The following DCUN1D5 variants were observed in gnomAD, a reference collection of about 807,000 sequenced individuals.
DCUN1D5 encodes DCN1-like protein 5.
DCUN1D5 carries 10 observed loss-of-function variants against 38.3 expected under a neutral mutation model. That is an observed-to-expected ratio of 0.26 (90% CI 0.16 to 0.44). The LOEUF (loss-of-function observed/expected upper bound fraction) is 0.44, where lower values mean the gene tolerates loss of function less well. Ranked by LOEUF, DCUN1D5 falls within the 20% of genes least tolerant of loss-of-function variation. DCUN1D5 has a pLI of 1.00. For missense variants in DCUN1D5, 148 were observed against 275.3 expected (o/e 0.54, Z 3.27); for synonymous variants, 93 against 90.9 (o/e 1.02, Z -0.13).
Position 103,066,308 on chromosome 11 carries a change from C to T in DCUN1D5, c.516G>A (p.Arg172=), listed in dbSNP as rs1469664701. ...AKSMLALLLG[R]TWPLFSVFYQ... ...AAAATACTGAAAACAGTGGCCATGT[C>T]CTCCCAAGCAGAAGAGCTAACATAG... Residue 172 remains arginine (R), a synonymous_variant, in exon 6 of 8, where the codon AGG becomes AGA. Coordinates refer to ENST00000260247, the MANE Select transcript of DCUN1D5 (RefSeq NM_032299.4). This position sits in a 1 kb window ranked among gnomAD's most constrained non-coding sequence, Gnocchi z 4.7. 2.5e-6 allele frequency: 4 copies of T among 1,609,516 alleles called. No individual in the cohort carries two copies. Among genetic ancestry groups the T allele is most frequent in the Non-Finnish European group, 3.4e-6 (4 of 1,178,304 alleles).
intron 1 of DCUN1D5, among the ~76,000 whole-genome samples, chr11:103,089,871 A>G (rs999457094): frequency 1.1e-4 from 16 of 152,174 alleles, no homozygotes; most frequent in African/African-American, 3.4e-4. Context: ...AAAAAACACT[A>G]AAAGTTAATA....
intron 4 of DCUN1D5, among the ~76,000 whole-genome samples, chr11:103,068,880 T>C (rs936595855): frequency 4.6e-5 from 7 of 151,950 alleles, no homozygotes; most frequent in African/African-American, 1.7e-4. Flanking sequence ...TACATGCATA[T>C]TTTTGCTTTC....
Position 103,054,225 on chromosome 11 carries a change from T to C in DCUN1D5, c.*8134A>G, listed in dbSNP as rs993297360. The C allele has an allele frequency of 6.6e-6, 1 of 152,058 alleles. No individual in the cohort carries two copies. Among genetic ancestry groups the C allele is most frequent in the Non-Finnish European group, 1.5e-5 (1 of 67,986 alleles). 9.4% of individuals were successfully genotyped at this position (152,058 alleles called of 1,614,324 possible). ...ACTCTCTATGGCTGCCAATAACTGC[T>C]CTTGAGGAATGGGGTTAAAGTCTGC... On this transcript the variant is annotated 3_prime_UTR_variant, in exon 8 of 8. Coordinates refer to ENST00000260247, the MANE Select transcript of DCUN1D5 (RefSeq NM_032299.4).
At position 103,069,294 on chromosome 11, in the gene DCUN1D5, A is replaced by G. The variant is rs370223290; in HGVS notation, c.342-2727T>C. 2.7e-4 allele frequency among the ~76,000 whole-genome samples: 41 copies of G among 152,340 alleles called. 1 individual carries two copies. In the East Asian group the frequency reaches 7.5e-3, roughly 28 times the overall value. On this transcript the variant is annotated intron_variant, in intron 4 of 7. Transcript: ENST00000260247. ...CAATGGGGGCAGACAAAAAGCCCCA[A>G]TAAAACCCTGCCTTTTCTCTAGCCA...
In DCUN1D5 at chr11:103,083,252, A is replaced by G; in HGVS notation, c.249+4T>C. ...ATGCCATTCTACTTAGAAATAAAACATACATTTTCAGGTTCAACACCAATG... is the reference window on the plus strand; with the variant it reads ...ATGCCATTCTACTTAGAAATAAAACGTACATTTTCAGGTTCAACACCAATG... On this transcript the variant is annotated splice_donor_region_variant and intron_variant, in intron 3 of 7. Coordinates refer to ENST00000260247, the MANE Select transcript of DCUN1D5 (RefSeq NM_032299.4). This position sits in a 1 kb window ranked among gnomAD's most constrained non-coding sequence, Gnocchi z 4.4. 2 of 1,526,950 alleles carry G rather than the reference A, an allele frequency of 1.3e-6. No homozygotes were observed. Among genetic ancestry groups the G allele is most frequent in the Non-Finnish European group, 1.8e-6 (2 of 1,102,076 alleles). The allele number at this position is 1,526,950 out of a possible 1,614,324, so 94.6% of individuals were successfully genotyped here. A position where few individuals can be genotyped will look rare whatever the true frequency, so the allele number is the denominator to read the frequency against.
Position 103,059,182 on chromosome 11 carries a change from A to G in DCUN1D5, c.*3177T>C, listed in dbSNP as rs1458037122. ...CATATATTTCAATAAATCCTTTCAT[A>G]ATTTCACATTAGCAAGTAGGCAGAC... On this transcript the variant is annotated 3_prime_UTR_variant, in exon 8 of 8. Coordinates refer to ENST00000260247, the MANE Select transcript of DCUN1D5 (RefSeq NM_032299.4). Among the ~76,000 whole-genome samples, 1 of 152,150 alleles carries G rather than the reference A, an allele frequency of 6.6e-6. No homozygotes were observed. The highest frequency in any genetic ancestry group is 2.4e-5 in the African/African-American group (1 of 41,454).
rs1484689157 is a variant in DCUN1D5 at position 103,064,264 on chromosome 11, G to A, written c.658+11C>T. 5.6e-6 allele frequency: 9 copies of A among 1,599,218 alleles called. No individual in the cohort carries two copies. The African/African-American group carries it at 6.7e-5, about 12-fold the overall frequency. ...TTTTGTTTTCAAAGGAACATGTTAT[G>A]TTATACTTACAAGCACCATCTTCAT... is the stretch of plus-strand genomic sequence containing the variant. On this transcript the variant is annotated intron_variant, in intron 7 of 7. Coordinates refer to ENST00000260247, the MANE Select transcript of DCUN1D5 (RefSeq NM_032299.4). The surrounding 1 kb of genome is among the most constrained non-coding windows in gnomAD (Gnocchi z 4.5).
intron 4 of DCUN1D5, among the ~76,000 whole-genome samples, chr11:103,067,624 G>T (rs948277017): frequency 1.3e-5 from 2 of 152,098 alleles, no homozygotes; most frequent in African/African-American, 4.8e-5. Flanking sequence ...ATTTAACTAA[G>T]ACTATACTAA....
chr11:103,064,480 T>TA lies in DCUN1D5; in HGVS notation c.556-104dup. On this transcript the variant is annotated intron_variant, in intron 6 of 7. Coordinates refer to ENST00000260247, the MANE Select transcript of DCUN1D5 (RefSeq NM_032299.4). The surrounding 1 kb of genome is among the most constrained non-coding windows in gnomAD (Gnocchi z 4.5). Reference sequence around the variant, plus strand: ...ACTGTTTTTGTGATTTGGTTTTTTCTAAAACATTTACTATTTTTTTAATTA... The same window carrying TA: ...ACTGTTTTTGTGATTTGGTTTTTTCTAAAAACATTTACTATTTTTTTAATTA... 1.2e-6 allele frequency: 1 copy of TA among 815,682 alleles called. No homozygotes were observed. Among genetic ancestry groups the TA allele is most frequent in the Non-Finnish European group, 1.8e-6 (1 of 549,592 alleles). The allele number at this position is 815,682 out of a possible 1,614,324, so 50.5% of individuals were successfully genotyped here. A position where few individuals can be genotyped will look rare whatever the true frequency, so the allele number is the denominator to read the frequency against.
rs1862130641 is a variant in DCUN1D5 at position 103,066,179 on chromosome 11, TAC to T, written c.555+88_555+89del. The stretch of plus-strand genomic sequence containing the variant: ...TTTTCTCTAAAGTTTTTTTAAAGCA[TAC>T]TATTAAAAATCTACTTGTTCCTCAA... On this transcript the variant is annotated intron_variant, in intron 6 of 7. Coordinates refer to ENST00000260247, the MANE Select transcript of DCUN1D5 (RefSeq NM_032299.4). This position sits in a 1 kb window ranked among gnomAD's most constrained non-coding sequence, Gnocchi z 4.7. 7 of 766,368 alleles carry T rather than the reference TAC, an allele frequency of 9.1e-6. No individual in the cohort carries two copies. The highest frequency in any genetic ancestry group is 1.4e-5 in the Non-Finnish European group (7 of 508,490). The allele number at this position is 766,368 out of a possible 1,614,324, so 47.5% of individuals were successfully genotyped here. A position where few individuals can be genotyped will look rare whatever the true frequency, so the allele number is the denominator to read the frequency against.
Position 103,066,665 on chromosome 11 carries a change from G to T in DCUN1D5, c.342-98C>A, listed in dbSNP as rs183040908. On this transcript the variant is annotated intron_variant, in intron 4 of 7. Transcript: ENST00000260247. The surrounding 1 kb of genome is among the most constrained non-coding windows in gnomAD (Gnocchi z 4.7). ...GTAATGCATTAAGAAAAAAGTGAGC[G>T]CATTTATGAAGTTAATTTAGTTTTA... is the stretch of plus-strand genomic sequence containing the variant. 3.2e-6 allele frequency: 2 copies of T among 629,202 alleles called. No homozygotes were observed. The highest frequency in any genetic ancestry group is 1.9e-5 in the African/African-American group (1 of 52,434). The allele number at this position is 629,202 out of a possible 1,614,324, so 39.0% of individuals were successfully genotyped here.
At chr11:103,084,544 C>T (rs1862649718) in intron 2 of DCUN1D5, among the ~76,000 whole-genome samples, 1 of 152,166 alleles carries the variant, frequency 6.6e-6, no homozygotes, top group Admixed American at 6.5e-5. Flanking sequence ...TTATAGGGCA[C>T]TTTCTCTTCC....
rs2510090 is a variant in DCUN1D5, at chr11:103,087,448, A to G, written c.178+1779T>C. Among the ~76,000 whole-genome samples the G allele has an allele frequency of 0.29, 43,901 of 151,970 alleles. 7,201 individuals are homozygous for G. Among genetic ancestry groups the G allele is most frequent in the African/African-American group, 0.46 (18,983 of 41,430 alleles). ...GCCTCCCAAAGTGCTGAGATTACAG[A>G]CGTGAGCCACCACACCCGGCTGAAA... On this transcript the variant is annotated intron_variant, in intron 2 of 7. Coordinates refer to ENST00000260247, the MANE Select transcript of DCUN1D5 (RefSeq NM_032299.4). This position sits in a 1 kb window ranked among gnomAD's most constrained non-coding sequence, Gnocchi z 4.1.
intron 4 of DCUN1D5, among the ~76,000 whole-genome samples, chr11:103,075,259 G>T (rs1862380182): frequency 6.6e-6 from 1 of 152,192 alleles, no homozygotes; most frequent in Non-Finnish European, 1.5e-5. Context: ...GACCCTAGGT[G>T]ACTAGGAATA....
In DCUN1D5 at chr11:103,054,201, C is replaced by T. The variant is rs1861816060; in HGVS notation, c.*8158G>A. 1 of 152,110 alleles carries T rather than the reference C, an allele frequency of 6.6e-6. No individual in the cohort carries two copies. Among genetic ancestry groups the T allele is most frequent in the Non-Finnish European group, 1.5e-5 (1 of 67,994 alleles). The allele number at this position is 152,110 out of a possible 1,614,324, so 9.4% of individuals were successfully genotyped here. On this transcript the variant is annotated 3_prime_UTR_variant, in exon 8 of 8. Transcript: ENST00000260247. ...TGACTAAAAAAGGCTTGACCTCCCA[C>T]TCTCTATGGCTGCCAATAACTGCTC...
chr11:103,064,381 C>A lies in DCUN1D5; in HGVS notation c.556-4G>T, dbSNP rs1452557476. On this transcript the variant is annotated splice_polypyrimidine_tract_variant and splice_region_variant and intron_variant, in intron 6 of 7. Transcript: ENST00000260247. This position sits in a 1 kb window ranked among gnomAD's most constrained non-coding sequence, Gnocchi z 4.5. ...TCATAACACGATACTTTGATTGCTG[C>A]AAAAATGATTTAAATATTTGTATTT... 6.4e-6 allele frequency: 10 copies of A among 1,573,214 alleles called. No individual in the cohort carries two copies. Among genetic ancestry groups the A allele is most frequent in the Admixed American group, 5.5e-5 (3 of 54,940 alleles).
Position 103,066,707 on chromosome 11 carries a change from A to T in DCUN1D5, c.342-140T>A. On this transcript the variant is annotated intron_variant, in intron 4 of 7. Coordinates refer to ENST00000260247, the MANE Select transcript of DCUN1D5 (RefSeq NM_032299.4). This position sits in a 1 kb window ranked among gnomAD's most constrained non-coding sequence, Gnocchi z 4.7. The stretch of plus-strand genomic sequence containing the variant: ...TTAGTTTTAAAATTCTGAGTCACAA[A>T]TTTAGAGTAATAAATTTCTTGCCCT... The T allele has an allele frequency of 2.0e-6, 1 of 508,476 alleles. No individual in the cohort carries two copies. The highest frequency in any genetic ancestry group is 3.4e-6 in the Non-Finnish European group (1 of 293,792). The allele number at this position is 508,476 out of a possible 1,614,324, so 31.5% of individuals were successfully genotyped here.
In DCUN1D5 at chr11:103,077,515, A is replaced by G. The variant is rs912494814; in HGVS notation, c.341+5233T>C. Among the ~76,000 whole-genome samples, 3 of 152,204 alleles carry G rather than the reference A, an allele frequency of 2.0e-5. No individual in the cohort carries two copies. Among genetic ancestry groups the G allele is most frequent in the Non-Finnish European group, 2.9e-5 (2 of 68,030 alleles). On this transcript the variant is annotated intron_variant, in intron 4 of 7. Coordinates refer to ENST00000260247, the MANE Select transcript of DCUN1D5 (RefSeq NM_032299.4). The surrounding 1 kb of genome is among the most constrained non-coding windows in gnomAD (Gnocchi z 4.3). ...GAACACTGGCACAATACAATACACC[A>G]TTCTCCAAGGCCACTGTAGTTAGAA...
intron 4 of DCUN1D5, among the ~76,000 whole-genome samples, chr11:103,081,699 G>T (rs183353216): frequency 8.9e-4 from 135 of 152,116 alleles, no homozygotes; most frequent in African/African-American, 3.1e-3. Context: ...AAGTGGGAGG[G>T]TTGATTTTAT....
Sources: gnomAD v4.1 joint callset for allele counts (sites outside exome capture counted in the v4.1 genomes callset) on GRCh38, gnomAD v4.1.1 for gene constraint, Gnocchi (gnomAD v3.1) non-coding constraint, MANE v1.5 for transcripts, NCBI Gene and HGNC (gene_info 2026-07-23, HGNC 2026-07-21) for gene names.